The following PARD3B variants were observed in gnomAD, a reference collection of about 807,000 sequenced individuals.
The protein encoded by PARD3B is par-3 family cell polarity regulator beta.
In PARD3B, 103 loss-of-function variants were observed where a neutral mutation model predicts 130.2. That is an observed-to-expected ratio of 0.79 (90% CI 0.67 to 0.93). The LOEUF (loss-of-function observed/expected upper bound fraction) is 0.93, where lower values mean the gene tolerates loss of function less well. Among genes scored for constraint, PARD3B ranks in the 40% least tolerant of loss-of-function variants. The pLI, the probability that PARD3B is intolerant of heterozygous loss-of-function variation, is 0.00. For synonymous variants in PARD3B, 583 were observed against 553.2 expected, an observed-to-expected ratio of 1.05 and a Z score of -0.76; for missense variants, 1,609 against 1,499.2, an observed-to-expected ratio of 1.07 and a Z score of -1.21.
chr2:205,332,430 GAGAAAAGAAAGGAGGTGGAAGA>G (rs2105779407), intron 18 of PARD3B, among the ~76,000 whole-genome samples: 1 of 152,260 alleles, frequency 6.6e-6, no homozygotes, highest in East Asian at 1.9e-4. Context: ...GGAAGGAAGG[GAGAAAAGAAAGGAGGTGGAAGA>G]GGAGAAGAAA....
intron 4 of PARD3B, among the ~76,000 whole-genome samples, chr2:205,054,594 C>G (rs1428034949): frequency 6.6e-6 from 1 of 151,116 alleles, no homozygotes; most frequent in Non-Finnish European, 1.5e-5. Flanking sequence ...ATCCCTTTCC[C>G]TTCCCCGCAC....
At chr2:204,822,173 C>T (rs957126647) in intron 2 of PARD3B, among the ~76,000 whole-genome samples, 1 of 152,162 alleles carries the variant, frequency 6.6e-6, no homozygotes, top group Non-Finnish European at 1.5e-5. Flanking sequence ...TTGATTCTAA[C>T]CCTCCTGGGT....
chr2:205,260,928 C>T (rs1277849370), intron 16 of PARD3B, among the ~76,000 whole-genome samples: 1 of 152,070 alleles, frequency 6.6e-6, no homozygotes, highest in African/African-American at 2.4e-5. Context: ...CCAGATCCTC[C>T]AAGATACCAC....
chr2:205,293,159 G>A (rs2041670540), intron 16 of PARD3B, among the ~76,000 whole-genome samples: 1 of 151,688 alleles, frequency 6.6e-6, no homozygotes, highest in Non-Finnish European at 1.5e-5. Flanking sequence ...AGGTGCCCAG[G>A]CTATACAATA....
intron 2 of PARD3B, among the ~76,000 whole-genome samples, chr2:204,935,021 C>G (rs6736767): frequency 6.6e-6 from 1 of 152,048 alleles, no homozygotes; most frequent in East Asian, 1.9e-4. Flanking sequence ...ATTTAGAACA[C>G]CTTATTTGTT....
chr2:205,315,795 C>T (rs186294810), intron 18 of PARD3B, among the ~76,000 whole-genome samples: 1 of 152,210 alleles, frequency 6.6e-6, no homozygotes, highest in East Asian at 1.9e-4. Flanking sequence ...GACCGTCTTC[C>T]CCTGAGGCCT....
intron 2 of PARD3B, among the ~76,000 whole-genome samples, chr2:204,854,861 G>A (rs1370492598): frequency 6.6e-6 from 1 of 152,090 alleles, no homozygotes; most frequent in African/African-American, 2.4e-5. Context: ...ACACACACAA[G>A]GAGTTTAGGA....
chr2:205,607,430 C>T (rs1356991902), intron 22 of PARD3B, among the ~76,000 whole-genome samples: 1 of 152,124 alleles, frequency 6.6e-6, no homozygotes, highest in Non-Finnish European at 1.5e-5. Flanking sequence ...TGTCTGTCTG[C>T]CTGGGCTTGA....
intron 2 of PARD3B, among the ~76,000 whole-genome samples, chr2:204,898,997 A>T: frequency 6.7e-6 from 1 of 149,292 alleles, no homozygotes; most frequent in Non-Finnish European, 1.5e-5. Context: ...CTTTATTTTC[A>T]GTTTTTGTGT....
intron 11 of PARD3B, among the ~76,000 whole-genome samples, chr2:205,171,606 C>G (rs1400185430): frequency 6.6e-6 from 1 of 152,166 alleles, no homozygotes; most frequent in Non-Finnish European, 1.5e-5. Context: ...GCTTTTCCAC[C>G]AGAAAATATC....
chr2:204,695,997 G>A (rs989147138), intron 2 of PARD3B, among the ~76,000 whole-genome samples: 4 of 152,038 alleles, frequency 2.6e-5, no homozygotes, highest in African/African-American at 9.7e-5. Context: ...GAAAACTAAA[G>A]TACAAGGATA....
intron 10 of PARD3B, among the ~76,000 whole-genome samples, chr2:205,134,360 A>C (rs1391622627): frequency 4.3e-5 from 1 of 23,198 alleles, no homozygotes; most frequent in African/African-American, 7.1e-5. Flanking sequence ...CCATCTCTAC[A>C]AAAAAAAAAA....
chr2:204,858,761 A>T (rs1011769818), intron 2 of PARD3B, among the ~76,000 whole-genome samples: 1 of 148,332 alleles, frequency 6.7e-6, no homozygotes. Flanking sequence ...ATATAGGTGT[A>T]TATATTATAT....
chr2:205,566,568 A>G (rs1473633357), intron 22 of PARD3B, among the ~76,000 whole-genome samples: 2 of 152,124 alleles, frequency 1.3e-5, no homozygotes, highest in Admixed American at 1.3e-4. Context: ...GCAGGGAGAG[A>G]TCATGGTTAA....
intron 2 of PARD3B, among the ~76,000 whole-genome samples, chr2:204,953,484 A>G (rs1375011503): frequency 6.7e-6 from 1 of 149,942 alleles, no homozygotes; most frequent in Non-Finnish European, 1.5e-5. Context: ...GAGGGAAAGC[A>G]CCAGAGTTTA....
At chr2:205,540,181 G>A (rs570579395) in intron 21 of PARD3B, among the ~76,000 whole-genome samples, 1 of 151,650 alleles carries the variant, frequency 6.6e-6, no homozygotes, top group East Asian at 1.9e-4. Flanking sequence ...CTGTATATTT[G>A]CATAATTTTA....
chr2:204,602,665 C>G (rs1446036789), intron 1 of PARD3B, among the ~76,000 whole-genome samples: 1 of 151,450 alleles, frequency 6.6e-6, no homozygotes, highest in Non-Finnish European at 1.5e-5. Context: ...CAAATCAACC[C>G]TTATTGTGTA....
chr2:204,928,062 G>GGGTTTACTCATGTATCTTTGGGTA (rs1383457919), intron 2 of PARD3B, among the ~76,000 whole-genome samples: 2 of 152,086 alleles, frequency 1.3e-5, no homozygotes, highest in Non-Finnish European at 2.9e-5. Context: ...GGTTTTGGCT[G>GGGTTTACTCATGTATCTTTGGGTA]GGTTTACTCA....
At chr2:205,586,551 T>C (rs2054203104) in intron 22 of PARD3B, among the ~76,000 whole-genome samples, 2 of 152,112 alleles carry the variant, frequency 1.3e-5, no homozygotes, top group African/African-American at 4.8e-5. Context: ...CAGTGGAAAA[T>C]GTTCTGTCTC....
Sources: allele counts gnomAD v4.1 joint callset (sites outside exome capture counted in the v4.1 genomes callset), GRCh38; gene constraint gnomAD v4.1.1; transcripts MANE v1.5; gene names NCBI Gene and HGNC (gene_info 2026-07-23, HGNC 2026-07-21).